BRME1: variants seen among roughly 807,000 people sequenced by gnomAD.
BRME1 encodes break repair meiotic recombinase recruitment factor 1.
A neutral mutation model predicts 52.6 loss-of-function variants in BRME1; 31 were observed. The ratio of observed to expected loss-of-function variants is 0.59; its 90% CI spans 0.44 to 0.80. The LOEUF (loss-of-function observed/expected upper bound fraction) is 0.80, where lower values mean the gene tolerates loss of function less well. Ranked by LOEUF, BRME1 falls within the 30% of genes least tolerant of loss-of-function variation. The probability of loss-of-function intolerance (pLI) is 0.00; values close to 1 mark genes in which losing one functional copy is unlikely to be tolerated. For missense variants in BRME1, 804 were observed against 860.3 expected (o/e 0.93, Z 0.82); for synonymous variants, 359 against 353.6 (o/e 1.02, Z -0.17).
At chr19:13,896,849 G>A (rs372998610) in intron 2 of BRME1, among the ~76,000 whole-genome samples, 3 of 151,690 alleles carry the variant, frequency 2.0e-5, no homozygotes, top group Non-Finnish European at 2.9e-5. Context: ...GTGCCACCAT[G>A]CCTGGCTAAG....
intron 2 of BRME1, among the ~76,000 whole-genome samples, chr19:13,900,454 A>T (rs998376788): frequency 1.3e-5 from 2 of 152,118 alleles, no homozygotes; most frequent in African/African-American, 4.8e-5. Context: ...AGAAATTCTG[A>T]TGCCTCCAAG....
Position 13,895,476 on chromosome 19 carries a change from A to G in BRME1, c.102T>C (p.Ser34=). 1 of 1,613,914 alleles carries G rather than the reference A, an allele frequency of 6.2e-7. No homozygotes were observed. The highest frequency in any genetic ancestry group is 8.5e-7 in the Non-Finnish European group (1 of 1,179,978). The part of the protein sequence containing the change: ...RLGDFYGDPQ[S]SMLGCLHHPE... Reference sequence around the variant, plus strand: ...GGTGATGTAAACAGCCCAACATGGAACTCTGGGGGTCCCCATAGAAGTCTC... The same window carrying G: ...GGTGATGTAAACAGCCCAACATGGAGCTCTGGGGGTCCCCATAGAAGTCTC... The change falls in exon 3 of 9, where the codon AGT becomes AGC. Residue 34 remains serine (S), a synonymous_variant. Transcript: ENST00000586783.
chr19:13,889,484 C>G lies in BRME1; in HGVS notation c.1372G>C (p.Glu458Gln). 1 of 1,613,898 alleles carries G rather than the reference C, an allele frequency of 6.2e-7. No individual in the cohort carries two copies. Among genetic ancestry groups the G allele is most frequent in the Non-Finnish European group, 8.5e-7 (1 of 1,180,028 alleles). Residue 458 changes from glutamate (E) to glutamine (Q), a missense_variant, in exon 6 of 9, where the codon GAA becomes CAA. Coordinates refer to ENST00000586783, the MANE Select transcript of BRME1 (RefSeq NM_001345843.2). ...AGGTTCTGGCCACCTAACTCGGCTTCCTCTTGAGCAGGACCTGGCTCCTGC... is the reference window on the plus strand; with the variant it reads ...AGGTTCTGGCCACCTAACTCGGCTTGCTCTTGAGCAGGACCTGGCTCCTGC... ...QKQEPGPAQE[E>Q]AELGGQNLER...
intron 3 of BRME1, among the ~76,000 whole-genome samples, chr19:13,894,624 G>A (rs1969751156): frequency 6.6e-6 from 1 of 152,104 alleles, no homozygotes; most frequent in Non-Finnish European, 1.5e-5. Context: ...TGTTACACAG[G>A]CTCCTCTTGA....
chr19:13,899,028 CTGAA>C (rs986216582), intron 2 of BRME1, among the ~76,000 whole-genome samples: 1 of 151,842 alleles, frequency 6.6e-6, no homozygotes, highest in Non-Finnish European at 1.5e-5. Context: ...AGTAAACCTA[CTGAA>C]TGAGTCTCTC....
Position 13,888,932 on chromosome 19 carries a change from C to T in BRME1, c.1668+256G>A, listed in dbSNP as rs74489922. 0.02 allele frequency among the ~76,000 whole-genome samples: 3,055 copies of T among 152,228 alleles called. 107 individuals are homozygous for T. The highest frequency in any genetic ancestry group is 0.068 in the African/African-American group (2,810 of 41,514). ...GGACTCCAGTTCAATGTGGGGGGCC[C>T]GGCTGAGAAAGCAGCTGTGTGTCAC... On this transcript the variant is annotated intron_variant, in intron 6 of 8. Transcript: ENST00000586783. This position sits in a 1 kb window ranked among gnomAD's most constrained non-coding sequence, Gnocchi z 4.1.
Position 13,889,632 on chromosome 19 carries a change from G to A in BRME1, c.1224C>T (p.Pro408=), listed in dbSNP as rs370798344. 8.8e-5 allele frequency: 142 copies of A among 1,607,280 alleles called. 1 individual carries two copies. The highest frequency in any genetic ancestry group is 8.6e-5 in the Non-Finnish European group (101 of 1,176,408). ...CTGTAGGGCCCACTAGGACATCGCC[G>A]GGGGGCTTGCCATCCTGCCCTGCCT... ...SGEAGQDGKP[P]GDVLVGPTAS... is the part of the protein sequence containing the mutation. Residue 408 remains proline, a synonymous_variant, in exon 6 of 9, where the codon CCC becomes CCT. Coordinates refer to ENST00000586783, the MANE Select transcript of BRME1 (RefSeq NM_001345843.2).
intron 2 of BRME1, among the ~76,000 whole-genome samples, chr19:13,900,547 A>G (rs1272234872): frequency 6.6e-6 from 1 of 152,218 alleles, no homozygotes; most frequent in East Asian, 1.9e-4. Flanking sequence ...GGGAAAAAAC[A>G]TGCACACCAT....
chr19:13,903,071 C>T (rs1281508175), intron 2 of BRME1, among the ~76,000 whole-genome samples: 2 of 152,098 alleles, frequency 1.3e-5, no homozygotes, highest in Non-Finnish European at 2.9e-5. Flanking sequence ...CTAGAACTCT[C>T]TGAATTATTT....
chr19:13,889,132 T>TGGAG, intron 6 of BRME1, 56 bp downstream of exon 6: 1 of 1,466,728 alleles, frequency 6.8e-7, no homozygotes, highest in South Asian at 1.4e-5. Flanking sequence ...AGGGGGCTTG[T>TGGAG]GGAGGTTGGG....
At chr19:13,899,036 G>A (rs1970118015) in intron 2 of BRME1, among the ~76,000 whole-genome samples, 1 of 151,528 alleles carries the variant, frequency 6.6e-6, no homozygotes, top group Admixed American at 6.6e-5. Flanking sequence ...TACTGAATGA[G>A]TCTCTCTTTC....
intron 2 of BRME1, among the ~76,000 whole-genome samples, chr19:13,904,358 C>T (rs542700823): frequency 4.6e-5 from 7 of 152,226 alleles, no homozygotes; most frequent in South Asian, 2.1e-4. Context: ...CCGCCCACCT[C>T]GGCCTCCCAA....
In BRME1 at chr19:13,902,955, G is replaced by A. The variant is rs374709558; in HGVS notation, c.31+1907C>T. On this transcript the variant is annotated intron_variant, in intron 2 of 8. Transcript: ENST00000586783. ...AAAAAAAAAAAAGTCTAGAAGCAGT[G>A]TACCGAGGTTAGAGTCCTGTCCTGT... Among the ~76,000 whole-genome samples, 3 of 151,630 alleles carry A rather than the reference G, an allele frequency of 2.0e-5. No individual in the cohort carries two copies. The South Asian group carries it at 6.3e-4, about 32-fold the overall frequency.
chr19:13,904,458 T>C (rs1970518201), intron 2 of BRME1, among the ~76,000 whole-genome samples: 1 of 151,958 alleles, frequency 6.6e-6, no homozygotes, highest in South Asian at 2.1e-4. Flanking sequence ...TTTCTTTTTT[T>C]TGAGACAGAG....
At chr19:13,885,823 C>A in intron 7 of BRME1, 138 bp downstream of exon 7, 1 of 688,432 alleles carries the variant, frequency 1.5e-6, no homozygotes. Context: ...GTTTGAAAGA[C>A]AGGGCTCAGC....
In BRME1 at chr19:13,890,298, A is replaced by G. The variant is rs775885327; in HGVS notation, c.558T>C (p.Ser186=). ...GAGGGTCATCAGGCTGAGAATCCCC[A>G]CTGCCGGGCACCGCCTGCACAGGGC... is the stretch of plus-strand genomic sequence containing the variant. ...SQSPVQAVPG[S]GDSQPDDPPD... is the part of the protein sequence containing the mutation. The change falls in exon 6 of 9, where the codon AGT becomes AGC. Residue 186 remains serine, a synonymous_variant. Transcript: ENST00000586783. The G allele has an allele frequency of 1.5e-5, 24 of 1,609,908 alleles. No individual in the cohort carries two copies. The Admixed American group carries it at 3.9e-4, about 26-fold the overall frequency.
chr19:13,890,481 T>C lies in BRME1; in HGVS notation c.394-19A>G. ...TTGTTTCCTGTGGACAGAAAAAGAC[T>C]CAGCCCCGGGGCCTTTGATAACCAA... On this transcript the variant is annotated intron_variant, in intron 5 of 8. Transcript: ENST00000586783. 1 of 1,472,816 alleles carries C rather than the reference T, an allele frequency of 6.8e-7. No homozygotes were observed. Among genetic ancestry groups the C allele is most frequent in the Non-Finnish European group, 8.9e-7 (1 of 1,118,466 alleles). 91.2% of individuals were successfully genotyped at this position (1,472,816 alleles called of 1,614,324 possible). A position where few individuals can be genotyped will look rare whatever the true frequency, so the allele number is the denominator to read the frequency against.
intron 2 of BRME1, among the ~76,000 whole-genome samples, chr19:13,896,368 A>C (rs944688735): frequency 6.8e-6 from 1 of 147,658 alleles, no homozygotes; most frequent in Non-Finnish European, 1.5e-5. Context: ...TAATGTATTT[A>C]CATATTGCAT....
chr19:13,889,500 T>A lies in BRME1; in HGVS notation c.1356A>T (p.Pro452=). The A allele has an allele frequency of 6.2e-7, 1 of 1,613,922 alleles. No homozygotes were observed. The highest frequency in any genetic ancestry group is 1.3e-5 in the African/African-American group (1 of 75,064). The change falls in exon 6 of 9, where the codon CCA becomes CCT. Residue 452 remains proline (P), a synonymous_variant. Coordinates refer to ENST00000586783, the MANE Select transcript of BRME1 (RefSeq NM_001345843.2). ...ACTCGGCTTCCTCTTGAGCAGGACC[T>A]GGCTCCTGCTTCTGATTGACACATG... ...TGPCVNQKQE[P]GPAQEEAELG... is the part of the protein sequence containing the mutation.
Sources: gnomAD v4.1 joint callset for allele counts (sites outside exome capture counted in the v4.1 genomes callset) on GRCh38, gnomAD v4.1.1 for gene constraint, Gnocchi (gnomAD v3.1) non-coding constraint, MANE v1.5 for transcripts, NCBI Gene and HGNC (gene_info 2026-07-23, HGNC 2026-07-21) for gene names.